OSBP2: variants seen among roughly 807,000 people sequenced by gnomAD.
OSBP2 encodes oxysterol-binding protein 2.
Under a neutral mutation model 96.0 loss-of-function variants are expected in OSBP2, and 66 were observed. The ratio of observed to expected loss-of-function variants is 0.69; its 90% CI spans 0.56 to 0.84. The LOEUF (loss-of-function observed/expected upper bound fraction) is 0.84, where lower values mean the gene tolerates loss of function less well. OSBP2 is among the 40% of genes least tolerant of loss of function. The probability of loss-of-function intolerance (pLI) is 0.00; values close to 1 mark genes in which losing one functional copy is unlikely to be tolerated. For missense variants in OSBP2, 1,038 were observed against 1,222.7 expected, an observed-to-expected ratio of 0.85 and a Z score of 2.25; for synonymous variants, 525 against 520.9, an observed-to-expected ratio of 1.01 and a Z score of -0.11.
At chr22:30,784,699 T>A (rs1025050909) in intron 2 of OSBP2, among the ~76,000 whole-genome samples, 1 of 152,234 alleles carries the variant, frequency 6.6e-6, no homozygotes, top group African/African-American at 2.4e-5. Context: ...TCGTCTTCAC[T>A]GACATTTTAT....
At chr22:30,717,909 C>T (rs1177184599) in intron 1 of OSBP2, among the ~76,000 whole-genome samples, 1 of 152,176 alleles carries the variant, frequency 6.6e-6, no homozygotes, top group East Asian at 1.9e-4. Flanking sequence ...GCTCACCTGT[C>T]CTCCTGGATC....
intron 2 of OSBP2, among the ~76,000 whole-genome samples, chr22:30,869,237 C>A (rs1346295407): frequency 2.0e-5 from 3 of 152,196 alleles, no homozygotes; most frequent in Non-Finnish European, 2.9e-5. Flanking sequence ...GAGGGCACAG[C>A]CTGCCTCTCT....
chr22:30,888,734 C>A (rs1028007602), intron 5 of OSBP2, among the ~76,000 whole-genome samples: 8 of 152,076 alleles, frequency 5.3e-5, no homozygotes, highest in African/African-American at 1.9e-4. Flanking sequence ...CTCAAAAAAT[C>A]AATAATCTAT....
intron 3 of OSBP2, among the ~76,000 whole-genome samples, chr22:30,875,181 G>A (rs904445522): frequency 8.5e-5 from 13 of 152,146 alleles, no homozygotes; most frequent in East Asian, 3.9e-4. Context: ...GCCCAGCCCC[G>A]AGGCCTCAGC....
chr22:30,878,655 G>A (rs2039635694), intron 3 of OSBP2, among the ~76,000 whole-genome samples: 1 of 152,180 alleles, frequency 6.6e-6, no homozygotes, highest in Non-Finnish European at 1.5e-5. Flanking sequence ...GCCAACAGAG[G>A]GTAGATGCTT....
chr22:30,696,114 C>T (rs2089028520), intron 1 of OSBP2, among the ~76,000 whole-genome samples: 1 of 152,148 alleles, frequency 6.6e-6, no homozygotes, highest in Non-Finnish European at 1.5e-5. Context: ...CTTCAGGAGT[C>T]CATCTTGGCA....
At chr22:30,895,363 G>A (rs1480797238) in intron 12 of OSBP2, among the ~76,000 whole-genome samples, 1 of 152,152 alleles carries the variant, frequency 6.6e-6, no homozygotes, top group East Asian at 1.9e-4. Context: ...CCTATAGCGT[G>A]CTGAAGACAA....
At position 30,881,678 on chromosome 22, in the gene OSBP2, C is replaced by T; in HGVS notation, c.1108-5748C>T. The T allele has an allele frequency of 7.7e-7, 1 of 1,304,154 alleles. No homozygotes were observed. Among genetic ancestry groups the T allele is most frequent in the Non-Finnish European group, 1.0e-6 (1 of 988,928 alleles). The allele number at this position is 1,304,154 out of a possible 1,614,324, so 80.8% of individuals were successfully genotyped here. Reference sequence around the variant, plus strand: ...ATCAAGCACACAGCACACAGCCCAGCTCAGCATTCTGAGAACAGCAGGGCC... The same window carrying T: ...ATCAAGCACACAGCACACAGCCCAGTTCAGCATTCTGAGAACAGCAGGGCC... On this transcript the variant is annotated intron_variant, in intron 3 of 13. Transcript: ENST00000332585. This position sits in a 1 kb window ranked among gnomAD's most constrained non-coding sequence, Gnocchi z 4.5.
At chr22:30,851,011 T>C (rs866964231) in intron 2 of OSBP2, among the ~76,000 whole-genome samples, 59 of 152,230 alleles carry the variant, frequency 3.9e-4, no homozygotes, top group Admixed American at 2.5e-3. Flanking sequence ...CATATTTTGT[T>C]AAACTTATTT....
chr22:30,759,036 G>A (rs2090175471), intron 2 of OSBP2, among the ~76,000 whole-genome samples: 1 of 152,166 alleles, frequency 6.6e-6, no homozygotes, highest in Non-Finnish European at 1.5e-5. Context: ...TGTGGCCACT[G>A]GCTGGCACAC....
At chr22:30,853,879 C>T (rs2039025704) in intron 2 of OSBP2, among the ~76,000 whole-genome samples, 1 of 152,022 alleles carries the variant, frequency 6.6e-6, no homozygotes, top group Non-Finnish European at 1.5e-5. Flanking sequence ...CCCGCCTCAG[C>T]TTCCTGAGTA....
At chr22:30,730,745 T>TCTCTCC (rs2089742589) in intron 1 of OSBP2, among the ~76,000 whole-genome samples, 1 of 39,948 alleles carries the variant, frequency 2.5e-5, no homozygotes, top group African/African-American at 1.0e-4. Context: ...TCTCTCTCTC[T>TCTCTCC]CTCTCTCTCT....
intron 3 of OSBP2, among the ~76,000 whole-genome samples, chr22:30,874,013 G>A (rs2039519800): frequency 6.6e-6 from 1 of 152,188 alleles, no homozygotes; most frequent in South Asian, 2.1e-4. Flanking sequence ...GAGGTGGGTG[G>A]ATCACTTGAG....
intron 12 of OSBP2, among the ~76,000 whole-genome samples, chr22:30,903,003 C>G (rs1291295982): frequency 1.3e-5 from 2 of 152,076 alleles, no homozygotes; most frequent in Non-Finnish European, 2.9e-5. Flanking sequence ...GCGTTTTTTT[C>G]TTTCTACCAC....
In OSBP2 at chr22:30,893,535, A is replaced by T. The variant is rs769461981; in HGVS notation, c.2063A>T (p.Asn688Ile). 3.7e-6 allele frequency: 6 copies of T among 1,614,156 alleles called. No individual in the cohort carries two copies. Among genetic ancestry groups the T allele is most frequent in the South Asian group, 2.2e-5 (2 of 91,086 alleles). ...VWRKSTSTVHNIIVGKLWIDQ... is the reference protein window; with the variant it reads ...VWRKSTSTVHIIIVGKLWIDQ... ...AGGAAGAGCACCTCAACTGTTCACA[A>T]CATCATCGTGGGCAAGCTCTGGATC... is the stretch of plus-strand genomic sequence containing the variant. Residue 688 changes from asparagine (N) to isoleucine (I), a missense_variant, in exon 10 of 14, where the codon AAC becomes ATC. By Grantham distance (149) the Asn-to-Ile change is moderately radical. Around this residue, in one of 3 missense-constraint regions of OSBP2, gnomAD observed 737 missense variants for 913.3 expected, o/e 0.81. Coordinates refer to ENST00000332585, the MANE Select transcript of OSBP2 (RefSeq NM_030758.4).
At chr22:30,845,360 T>C (rs1362790483) in intron 2 of OSBP2, among the ~76,000 whole-genome samples, 1 of 151,718 alleles carries the variant, frequency 6.6e-6, no homozygotes, top group Non-Finnish European at 1.5e-5. Flanking sequence ...GAGGCAGAGG[T>C]TGCAGTGAGC....
At chr22:30,902,110 G>GA (rs60499517) in intron 12 of OSBP2, 5,971 of 203,588 alleles carry the variant, frequency 0.029, 1 homozygote, top group South Asian at 0.05. Flanking sequence ...AGCAATATAA[G>GA]AAAAAAAAAA....
In OSBP2 at chr22:30,870,431, G is replaced by A; in HGVS notation, c.856G>A (p.Asp286Asn). The A allele has an allele frequency of 6.2e-7, 1 of 1,613,736 alleles. No individual in the cohort carries two copies. The highest frequency in any genetic ancestry group is 8.5e-7 in the Non-Finnish European group (1 of 1,179,998). Residue 286 changes from aspartate to asparagine, a missense_variant and splice_region_variant, in exon 3 of 14, where the codon GAC becomes AAC. Physicochemically the swap from Asp to Asn is conservative, Grantham distance 23. Coordinates refer to ENST00000332585, the MANE Select transcript of OSBP2 (RefSeq NM_030758.4). The surrounding 1 kb of genome is among the most constrained non-coding windows in gnomAD (Gnocchi z 4.1). ...AACAACTCTATTTTCTTCCACAGATGACTCTGGGGACGACGACGAGGCTAC... is the reference window on the plus strand; with the variant it reads ...AACAACTCTATTTTCTTCCACAGATAACTCTGGGGACGACGACGAGGCTAC... Reference protein sequence around the residue: ...AVRVMNTHSDDSGDDDEATTP... With the variant: ...AVRVMNTHSDNSGDDDEATTP...
intron 1 of OSBP2, among the ~76,000 whole-genome samples, chr22:30,710,810 CAT>C (rs2089334105): frequency 6.6e-6 from 1 of 152,074 alleles, no homozygotes; most frequent in Non-Finnish European, 1.5e-5. Flanking sequence ...GGGGTTTCAC[CAT>C]GTTGGCCAGG....
Sources: gnomAD v4.1 joint callset for allele counts (sites outside exome capture counted in the v4.1 genomes callset) on GRCh38, gnomAD v4.1.1 for gene constraint, gnomAD v4.1.1 regional missense constraint, Gnocchi (gnomAD v3.1) non-coding constraint, MANE v1.5 for transcripts, NCBI Gene and HGNC (gene_info 2026-07-23, HGNC 2026-07-21) for gene names.